Variants in ZFPM2 observed in about 807,000 individuals in gnomAD.
ZFPM2 encodes zinc finger protein ZFPM2.
A neutral mutation model predicts 98.6 loss-of-function variants in ZFPM2; 20 were observed. The observed-to-expected ratio is 0.20, with a 90% CI of 0.14 to 0.29. The LOEUF (loss-of-function observed/expected upper bound fraction) is 0.29. ZFPM2 is among the 10% of genes least tolerant of loss of function. ZFPM2 has a pLI of 1.00. For synonymous variants in ZFPM2, 518 were observed against 502.7 expected, an observed-to-expected ratio of 1.03 and a Z score of -0.41; for missense variants, 1,310 against 1,388.6, an observed-to-expected ratio of 0.94 and a Z score of 0.90.
intron 3 of ZFPM2, among the ~76,000 whole-genome samples, chr8:105,478,072 A>T (rs1212030467): frequency 6.6e-6 from 1 of 152,220 alleles, no homozygotes; most frequent in Non-Finnish European, 1.5e-5. Flanking sequence ...TTTGCAAAGC[A>T]ACAATGAGTC....
chr8:105,537,667 G>A (rs1814482755), intron 3 of ZFPM2, among the ~76,000 whole-genome samples: 1 of 152,126 alleles, frequency 6.6e-6, no homozygotes, highest in African/African-American at 2.4e-5. Flanking sequence ...GGGCAACAGT[G>A]TGAGACCCTG....
At chr8:105,504,571 C>A (rs1344356523) in intron 3 of ZFPM2, among the ~76,000 whole-genome samples, 2 of 152,090 alleles carry the variant, frequency 1.3e-5, no homozygotes, top group African/African-American at 4.8e-5. Context: ...TTTTCAGTTC[C>A]TAGCCTGCGT....
chr8:105,404,164 C>A (rs1159523497), intron 1 of ZFPM2, among the ~76,000 whole-genome samples: 1 of 152,120 alleles, frequency 6.6e-6, no homozygotes, highest in Admixed American at 6.6e-5. Context: ...CTTTCCAGAG[C>A]TGAGAATATG....
At chr8:105,328,747 C>A (rs1812160303) in intron 1 of ZFPM2, among the ~76,000 whole-genome samples, 2 of 151,930 alleles carry the variant, frequency 1.3e-5, no homozygotes, top group South Asian at 2.1e-4. Flanking sequence ...GTTCTTCTTT[C>A]TCTTCTTGAA....
In ZFPM2 at chr8:105,703,068, C is replaced by A. The variant is rs374320521; in HGVS notation, c.532+68711C>A. 7.2e-5 allele frequency among the ~76,000 whole-genome samples: 11 copies of A among 152,220 alleles called. 1 individual carries two copies. The highest frequency in any genetic ancestry group is 2.6e-4 in the African/African-American group (11 of 41,536). The stretch of plus-strand genomic sequence containing the variant: ...TGGACTCCTTTCCTGCCCCCCGCCC[C>A]GCGCCCAACATTCTTATATTCTGTA... On this transcript the variant is annotated intron_variant, in intron 5 of 7. Coordinates refer to ENST00000407775, the MANE Select transcript of ZFPM2 (RefSeq NM_012082.4).
intron 1 of ZFPM2, among the ~76,000 whole-genome samples, chr8:105,358,273 A>C (rs1285453254): frequency 2.8e-5 from 4 of 145,250 alleles, no homozygotes; most frequent in Non-Finnish European, 6.0e-5. Flanking sequence ...TTTTTTTCTG[A>C]GGTGGAGTCT....
chr8:105,714,582 T>C, intron 5 of ZFPM2, among the ~76,000 whole-genome samples: 1 of 152,142 alleles, frequency 6.6e-6, no homozygotes, highest in Non-Finnish European at 1.5e-5. Flanking sequence ...TATCACTTAA[T>C]CATTTTAGTA....
chr8:105,726,876 A>T (rs1811820559), intron 5 of ZFPM2, among the ~76,000 whole-genome samples: 1 of 151,752 alleles, frequency 6.6e-6, no homozygotes, highest in Non-Finnish European at 1.5e-5. Flanking sequence ...CAGGGGAATT[A>T]TGAATAAACA....
intron 2 of ZFPM2, among the ~76,000 whole-genome samples, chr8:105,432,875 G>C (rs1812047012): frequency 6.6e-6 from 1 of 152,296 alleles, no homozygotes; most frequent in South Asian, 2.1e-4. Context: ...TGCAGCAGGA[G>C]GATCACTTGA....
At chr8:105,661,443 G>A (rs1334574025) in intron 5 of ZFPM2, among the ~76,000 whole-genome samples, 4 of 152,108 alleles carry the variant, frequency 2.6e-5, no homozygotes, top group Non-Finnish European at 4.4e-5. Flanking sequence ...CTAAGGACTT[G>A]TATGTTTTTC....
chr8:105,550,033 G>A (rs1814815293), intron 3 of ZFPM2, among the ~76,000 whole-genome samples: 1 of 152,122 alleles, frequency 6.6e-6, no homozygotes, highest in Non-Finnish European at 1.5e-5. Context: ...ATTATCAGGT[G>A]GAGAGAGGGG....
At position 105,802,803 on chromosome 8, in the gene ZFPM2, C is replaced by G. The variant is rs369443467; in HGVS notation, c.2721C>G (p.Val907=). ...NPESERNSPD[V]SYERSIIKCE... ...AAAGCGAACGAAACAGCCCTGATGT[C>G]AGCTACGAAAGAAGCATAATAAAAT... The change falls in exon 8 of 8, where the codon GTC becomes GTG. Residue 907 remains valine (V), a synonymous_variant. Coordinates refer to ENST00000407775, the MANE Select transcript of ZFPM2 (RefSeq NM_012082.4). The G allele has an allele frequency of 4.0e-5, 65 of 1,613,490 alleles. No individual in the cohort carries two copies. The highest frequency in any genetic ancestry group is 5.5e-5 in the Non-Finnish European group (65 of 1,179,800).
At chr8:105,442,536 A>G (rs1452324809) in intron 2 of ZFPM2, among the ~76,000 whole-genome samples, 1 of 152,156 alleles carries the variant, frequency 6.6e-6, no homozygotes, top group South Asian at 2.1e-4. Flanking sequence ...AGGGAATTTC[A>G]TTGGTGTTCA....
intron 3 of ZFPM2, among the ~76,000 whole-genome samples, chr8:105,468,421 A>G (rs895759393): frequency 6.6e-6 from 1 of 152,068 alleles, no homozygotes; most frequent in African/African-American, 2.4e-5. Context: ...ACTCAGAATC[A>G]TTACATACCT....
intron 1 of ZFPM2, among the ~76,000 whole-genome samples, chr8:105,417,946 C>T (rs1291498953): frequency 6.6e-6 from 1 of 152,124 alleles, no homozygotes. Context: ...GATGTCCCTT[C>T]ATTTAAACCC....
chr8:105,455,095 C>T (rs1395094352), intron 3 of ZFPM2, among the ~76,000 whole-genome samples: 3 of 152,106 alleles, frequency 2.0e-5, no homozygotes, highest in Non-Finnish European at 4.4e-5. Context: ...AAGAAATGCT[C>T]ATTGAAGCAT....
At chr8:105,626,265 C>T (rs947311569) in intron 4 of ZFPM2, among the ~76,000 whole-genome samples, 2 of 152,096 alleles carry the variant, frequency 1.3e-5, no homozygotes, top group Non-Finnish European at 2.9e-5. Context: ...GGCATATTTT[C>T]CCCAGTCTTA....
At chr8:105,772,713 G>A (rs1337981936) in intron 5 of ZFPM2, among the ~76,000 whole-genome samples, 1 of 152,078 alleles carries the variant, frequency 6.6e-6, no homozygotes, top group African/African-American at 2.4e-5. Context: ...CTGTGATGCA[G>A]GTTATGAATC....
intron 1 of ZFPM2, among the ~76,000 whole-genome samples, chr8:105,389,150 G>A (rs1371163529): frequency 6.6e-6 from 1 of 151,754 alleles, no homozygotes; most frequent in Admixed American, 6.6e-5. Flanking sequence ...AGCAATGAGG[G>A]AAGAGCAAAG....
Sources: allele counts gnomAD v4.1 joint callset (sites outside exome capture counted in the v4.1 genomes callset), GRCh38; gene constraint gnomAD v4.1.1; transcripts MANE v1.5; gene names NCBI Gene and HGNC (gene_info 2026-07-23, HGNC 2026-07-21).